Variants in PIK3R3 observed in about 807,000 individuals in gnomAD.
The protein encoded by PIK3R3 is phosphatidylinositol 3-kinase regulatory subunit gamma.
Under a neutral mutation model 62.9 loss-of-function variants are expected in PIK3R3, and 64 were observed. That is an observed-to-expected ratio of 1.02 (90% CI 0.83 to 1.25). The LOEUF (loss-of-function observed/expected upper bound fraction) is 1.25, where lower values mean the gene tolerates loss of function less well. Ranked by LOEUF, PIK3R3 falls within the 50% of genes most tolerant of loss-of-function variation. PIK3R3 has a pLI of 0.00. For missense variants in PIK3R3, 614 were observed against 561.6 expected (o/e 1.09, Z -0.94); for synonymous variants, 165 against 189.0 (o/e 0.87, Z 1.04).
chr1:46,146,686 TACACAC>T, the PIK3R3 span, among the ~76,000 whole-genome samples: 3,020 of 92,434 alleles, frequency 0.033, 161 homozygotes, highest in Middle Eastern at 0.051. Flanking sequence ...CCTCCAACTC[TACACAC>T]ACACACACAC....
chr1:46,135,449 A>G (rs1655894612), upstream of PIK3R3, among the ~76,000 whole-genome samples: 1 of 152,226 alleles, frequency 6.6e-6, no homozygotes, highest in Non-Finnish European at 1.5e-5. Context: ...AAACACTTAG[A>G]ATGAAAAAAT....
At chr1:46,100,876 A>G (rs546512895) in intron 1 of PIK3R3, among the ~76,000 whole-genome samples, 5 of 152,126 alleles carry the variant, frequency 3.3e-5, no homozygotes, top group African/African-American at 4.8e-5. Context: ...TGCTGCTATA[A>G]TGAGTATCTT....
intron 1 of PIK3R3, among the ~76,000 whole-genome samples, chr1:46,089,665 A>G (rs1301718063): frequency 6.6e-6 from 1 of 151,314 alleles, no homozygotes; most frequent in Non-Finnish European, 1.5e-5. Context: ...CAGTGAGCCG[A>G]GATCACGCCA....
At chr1:46,158,349 C>T in the PIK3R3 span, among the ~76,000 whole-genome samples, 5 of 152,194 alleles carry the variant, frequency 3.3e-5, no homozygotes, top group Non-Finnish European at 7.3e-5. Context: ...CAGGCAGTTT[C>T]CCCCACCCCA....
chr1:46,071,730 T>TAGAGAGAGAGAGAGAGAG (rs140765040), intron 3 of PIK3R3, among the ~76,000 whole-genome samples: 5 of 59,066 alleles, frequency 8.5e-5, no homozygotes, highest in African/African-American at 3.2e-4. Flanking sequence ...TATATATATA[T>TAGAGAGAGAGAGAGAGAG]AGAGAGAGAG....
chr1:46,170,594 T>C, the PIK3R3 span, among the ~76,000 whole-genome samples: 1 of 152,234 alleles, frequency 6.6e-6, no homozygotes, highest in African/African-American at 2.4e-5. Flanking sequence ...CTAATTTTTG[T>C]ATTTTTAGTA....
At chr1:46,059,769 G>A (rs1420442962) in intron 6 of PIK3R3, among the ~76,000 whole-genome samples, 1 of 151,944 alleles carries the variant, frequency 6.6e-6, no homozygotes, top group Non-Finnish European at 1.5e-5. Flanking sequence ...ATTCCAGCCT[G>A]GGCAACAGAG....
intron 1 of PIK3R3, among the ~76,000 whole-genome samples, chr1:46,123,137 G>C (rs968770506): frequency 1.4e-4 from 21 of 152,108 alleles, no homozygotes; most frequent in African/African-American, 5.1e-4. Context: ...AACTTATCTT[G>C]TTTGGGAGGT....
At chr1:46,051,038 C>A (rs1647298994) in intron 7 of PIK3R3, among the ~76,000 whole-genome samples, 1 of 152,036 alleles carries the variant, frequency 6.6e-6, no homozygotes, top group South Asian at 2.1e-4. Flanking sequence ...TTGTTTAGGG[C>A]TAAATGAAAG....
At chr1:46,163,488 C>G in the PIK3R3 span, among the ~76,000 whole-genome samples, 36 of 152,294 alleles carry the variant, frequency 2.4e-4, no homozygotes, top group African/African-American at 8.7e-4. Context: ...CACATTCTGC[C>G]TAGAGGTCCT....
upstream of PIK3R3, chr1:46,132,985 A>C (rs1338442549): frequency 2.0e-5 from 22 of 1,089,234 alleles, no homozygotes; most frequent in Non-Finnish European, 2.5e-5. Context: ...GCGAGGAGGG[A>C]GTGGGGCGAG....
intron 3 of PIK3R3, among the ~76,000 whole-genome samples, chr1:46,071,618 T>C (rs1649491258): frequency 6.9e-6 from 1 of 145,618 alleles, no homozygotes; most frequent in Non-Finnish European, 1.5e-5. Flanking sequence ...CACTTGAACC[T>C]GGGAGGCGGA....
Position 46,080,650 on chromosome 1 carries a change from A to G in PIK3R3, c.207T>C (p.Asp69=). 1.3e-6 allele frequency: 2 copies of G among 1,593,288 alleles called. No homozygotes were observed. The highest frequency in any genetic ancestry group is 1.7e-6 in the Non-Finnish European group (2 of 1,162,952). Reference sequence around the variant, plus strand: ...AGTAGCATTCTAGTTACCTTGAAATATCCCCCCAGTACCATTCTGCATCCT... The same window carrying G: ...AGTAGCATTCTAGTTACCTTGAAATGTCCCCCCAGTACCATTCTGCATCCT... ...SLQDAEWYWG[D]ISREEVNDKL... is the part of the protein sequence containing the mutation. Residue 69 remains aspartate (D), a synonymous_variant, in exon 2 of 10, where the codon GAT becomes GAC. Coordinates refer to ENST00000262741, the MANE Select transcript of PIK3R3 (RefSeq NM_003629.4).
the PIK3R3 span, among the ~76,000 whole-genome samples, chr1:46,157,634 C>G: frequency 1.3e-5 from 2 of 152,208 alleles, no homozygotes; most frequent in Non-Finnish European, 2.9e-5. Flanking sequence ...CTCAATTCTT[C>G]GTCTCTCAAT....
intron 1 of PIK3R3, among the ~76,000 whole-genome samples, chr1:46,090,875 T>C (rs1651564716): frequency 6.6e-6 from 1 of 152,230 alleles, no homozygotes; most frequent in South Asian, 2.1e-4. Context: ...GGAGTATTTA[T>C]ACTTTGGAAA....
chr1:46,162,439 C>A, the PIK3R3 span, among the ~76,000 whole-genome samples: 2 of 152,022 alleles, frequency 1.3e-5, no homozygotes, highest in Non-Finnish European at 2.9e-5. Context: ...CCACTGCACT[C>A]CAGCCTGGGT....
intron 1 of PIK3R3, among the ~76,000 whole-genome samples, chr1:46,088,360 CA>C (rs1651293488): frequency 6.6e-6 from 1 of 151,310 alleles, no homozygotes; most frequent in African/African-American, 2.4e-5. Flanking sequence ...GTGACCAAAA[CA>C]AGAAGAAACT....
At chr1:46,100,288 TC>T (rs1652533543) in intron 1 of PIK3R3, among the ~76,000 whole-genome samples, 1 of 152,200 alleles carries the variant, frequency 6.6e-6, no homozygotes, top group African/African-American at 2.4e-5. Context: ...CACATTAACA[TC>T]TTTAATCATC....
chr1:46,151,823 G>A, the PIK3R3 span, among the ~76,000 whole-genome samples: 4 of 152,306 alleles, frequency 2.6e-5, no homozygotes, highest in Non-Finnish European at 5.9e-5. Flanking sequence ...TTCATGTATA[G>A]TAGTCATTGG....
Sources: allele counts gnomAD v4.1 joint callset (sites outside exome capture counted in the v4.1 genomes callset), GRCh38; gene constraint gnomAD v4.1.1; transcripts MANE v1.5; gene names NCBI Gene and HGNC (gene_info 2026-07-23, HGNC 2026-07-21).